Variants in ZNF568 observed in about 807,000 individuals in gnomAD.
ZNF568 encodes the protein zinc finger protein 568.
Under a neutral mutation model 18.1 loss-of-function variants are expected in ZNF568, and 11 were observed. The observed-to-expected ratio is 0.61, with a 90% CI of 0.38 to 1.00. ZNF568 has a LOEUF of 1.00. ZNF568 is among the 50% of genes least tolerant of loss of function. The pLI is 0.01. For synonymous variants in ZNF568, 213 were observed against 246.6 expected (o/e 0.86, Z 1.28); for missense variants, 639 against 768.2 (o/e 0.83, Z 1.99).
exon 5 of ZNF568, chr19:36,996,617 A>C: frequency 6.5e-7 from 1 of 1,535,640 alleles, no homozygotes; most frequent in Non-Finnish European, 8.7e-7. Flanking sequence ...ATTCATAATA[A>C]GGAAAAAGAA....
chr19:36,982,290 G>GTTT (rs1196955022), downstream of ZNF568, among the ~76,000 whole-genome samples: 1 of 151,752 alleles, frequency 6.6e-6, no homozygotes, highest in East Asian at 1.9e-4. Flanking sequence ...GTTTGCACTT[G>GTTT]TTTTTTTTGT....
At position 36,979,186 on chromosome 19, in the gene ZNF568, T is replaced by C. The variant is rs1028253694; in HGVS notation, c.*72T>C. On this transcript the variant is annotated 3_prime_UTR_variant, in exon 8 of 8. Coordinates refer to the ZNF568 transcript ENST00000427117. ...TTTATAGAGACGGGGTTTCTCCATG[T>C]TGGTCAGGCTGGTCTCAAACTCCCG... The C allele has an allele frequency of 3.6e-5, 7 of 195,664 alleles. No homozygotes were observed. In the East Asian group the frequency reaches 7.1e-4, roughly 20 times the overall value. 12.1% of individuals were successfully genotyped at this position (195,664 alleles called of 1,614,324 possible).
intron 6 of ZNF568, among the ~76,000 whole-genome samples, chr19:36,942,859 A>G (rs891666911): frequency 6.6e-6 from 1 of 152,154 alleles, no homozygotes; most frequent in African/African-American, 2.4e-5. Context: ...ATTTCTTACT[A>G]TCATCTTCTA....
At chr19:36,959,516 T>C (rs2074132140) in intron 6 of ZNF568, among the ~76,000 whole-genome samples, 1 of 152,144 alleles carries the variant, frequency 6.6e-6, no homozygotes, top group African/African-American at 2.4e-5. Context: ...AGGATGATCC[T>C]GGCCTTGTAG....
intron 2 of ZNF568, among the ~76,000 whole-genome samples, chr19:36,989,236 A>G (rs2547050): frequency 0.54 from 82,159 of 151,672 alleles, 22,874 homozygotes; most frequent in African/African-American, 0.65. Flanking sequence ...AGGCTAGACT[A>G]CAGTGGCATG....
Position 36,950,345 on chromosome 19 carries a change from G to C in ZNF568, c.1192G>C (p.Ala398Pro). 6.2e-7 allele frequency: 1 copy of C among 1,613,876 alleles called. No homozygotes were observed. The highest frequency in any genetic ancestry group is 8.5e-7 in the Non-Finnish European group (1 of 1,179,836). ...KPYKCNKCGK[A>P]FSQCSVFIIH... ...CTATAAATGTAATAAATGTGGAAAA[G>C]CTTTCTCTCAATGCTCAGTATTTAT... Residue 398 changes from alanine to proline, a missense_variant, in exon 7 of 7, where the codon GCT becomes CCT. By Grantham distance (27) the Ala-to-Pro change is conservative. Transcript: ENST00000333987.
intron 6 of ZNF568, among the ~76,000 whole-genome samples, chr19:36,944,766 T>TC (rs1341136392): frequency 3.3e-5 from 5 of 152,178 alleles, no homozygotes; most frequent in African/African-American, 1.2e-4. Flanking sequence ...CACTGATTAA[T>TC]CTATCTTCTT....
intron 4 of ZNF568, among the ~76,000 whole-genome samples, chr19:36,993,986 TAC>T (rs1024943085): frequency 2.0e-5 from 3 of 151,886 alleles, no homozygotes; most frequent in African/African-American, 7.2e-5. Flanking sequence ...CCTTAAGATA[TAC>T]AGTTAGATTG....
intron 2 of ZNF568, among the ~76,000 whole-genome samples, chr19:36,985,203 T>C (rs1406211283): frequency 2.6e-5 from 4 of 152,198 alleles, no homozygotes. Flanking sequence ...TTCCAGCCAT[T>C]GTATGATTTA....
chr19:36,930,444 C>A (rs1415673742), intron 4 of ZNF568, among the ~76,000 whole-genome samples: 3 of 151,988 alleles, frequency 2.0e-5, no homozygotes, highest in East Asian at 3.9e-4. Flanking sequence ...CTCCTGACCT[C>A]GTGATCCGCC....
At chr19:36,934,122 T>G (rs2073746530) in intron 4 of ZNF568, among the ~76,000 whole-genome samples, 1 of 151,562 alleles carries the variant, frequency 6.6e-6, no homozygotes, top group Non-Finnish European at 1.5e-5. Context: ...TGTTTCTTCT[T>G]TCATTCCTGA....
chr19:36,918,650 T>C (rs1364355540), intron 2 of ZNF568, among the ~76,000 whole-genome samples: 1 of 152,144 alleles, frequency 6.6e-6, no homozygotes, highest in Non-Finnish European at 1.5e-5. Context: ...AACATAGAAT[T>C]TACCATCTAA....
chr19:36,962,122 T>G (rs774441329), intron 6 of ZNF568, among the ~76,000 whole-genome samples: 5 of 29,986 alleles, frequency 1.7e-4, no homozygotes, highest in African/African-American at 4.0e-4. Flanking sequence ...TTGTTTTATG[T>G]TTTTTTTTTT....
rs370795325 is a variant in ZNF568 at position 36,950,669 on chromosome 19, G to A, written c.1516G>A (p.Val506Ile). The change falls in exon 7 of 7, where the codon GTA (valine) becomes ATA (isoleucine). Residue 506 changes from valine (V) to isoleucine (I), a missense_variant. Coordinates refer to ENST00000333987, the MANE Select transcript of ZNF568 (RefSeq NM_198539.4). ...HTGEKPYACT[V>I]CGKAFSQKSN... ...GGGTGAGAAACCCTATGCATGTACA[G>A]TATGTGGAAAAGCCTTTAGTCAGAA... The A allele has an allele frequency of 3.2e-5, 52 of 1,613,772 alleles. No homozygotes were observed. In the African/African-American group the frequency reaches 6.4e-4, roughly 20 times the overall value.
chr19:36,969,559 G>A (rs1194514235), intron 6 of ZNF568, among the ~76,000 whole-genome samples: 3 of 152,014 alleles, frequency 2.0e-5, no homozygotes, highest in Admixed American at 1.3e-4. Context: ...TCATAAAACC[G>A]TGTTCTTTCT....
chr19:36,919,695 G>A (rs1205667011), intron 2 of ZNF568, among the ~76,000 whole-genome samples: 4 of 152,104 alleles, frequency 2.6e-5, no homozygotes, highest in Admixed American at 6.5e-5. Context: ...TACCAGTACC[G>A]GTACGTGGCC....
At chr19:36,973,966 G>A (rs1327276747) in intron 6 of ZNF568, among the ~76,000 whole-genome samples, 1 of 152,164 alleles carries the variant, frequency 6.6e-6, no homozygotes, top group Non-Finnish European at 1.5e-5. Context: ...TCTGGTGTGT[G>A]TTGAGGGTGG....
chr19:36,928,311 A>G (rs2073619743), intron 4 of ZNF568, among the ~76,000 whole-genome samples: 1 of 152,140 alleles, frequency 6.6e-6, no homozygotes, highest in African/African-American at 2.4e-5. Flanking sequence ...AATCAGATCT[A>G]TAGAGCTGAA....
intron 6 of ZNF568, among the ~76,000 whole-genome samples, chr19:36,947,188 G>A (rs2073981764): frequency 6.6e-6 from 1 of 151,904 alleles, no homozygotes; most frequent in South Asian, 2.1e-4. Context: ...GCTAATTTTT[G>A]TATTTTTAGT....
Sources: gnomAD v4.1 joint callset for allele counts (sites outside exome capture counted in the v4.1 genomes callset) on GRCh38, gnomAD v4.1.1 for gene constraint, MANE v1.5 for transcripts, NCBI Gene and HGNC (gene_info 2026-07-23, HGNC 2026-07-21) for gene names.